Variants in ZFYVE9 observed in about 807,000 individuals in gnomAD.
ZFYVE9 encodes zinc finger FYVE-type containing 9.
In ZFYVE9, 43 loss-of-function variants were observed where a neutral mutation model predicts 126.7. The ratio of observed to expected loss-of-function variants is 0.34; its 90% CI spans 0.27 to 0.44. The LOEUF (loss-of-function observed/expected upper bound fraction) is 0.44. Ranked by LOEUF, ZFYVE9 falls within the 20% of genes least tolerant of loss-of-function variation. The probability of loss-of-function intolerance (pLI) is 1.00; values close to 1 mark genes in which losing one functional copy is unlikely to be tolerated. For missense variants in ZFYVE9, 1,476 were observed against 1,697.0 expected, an observed-to-expected ratio of 0.87 and a Z score of 2.29; for synonymous variants, 521 against 597.4, an observed-to-expected ratio of 0.87 and a Z score of 1.87.
At position 52,237,977 on chromosome 1, in the gene ZFYVE9, A is replaced by T. The variant is rs1333406357; in HGVS notation, c.560A>T (p.Asn187Ile). The change falls in exon 4 of 19, where the codon AAT (asparagine) becomes ATT (isoleucine). Residue 187 changes from asparagine to isoleucine, a missense_variant. This residue lies in a region of ZFYVE9 where 807 missense variants were observed against 794.6 expected (regional missense o/e 1.02). Transcript: ENST00000287727. ...GATGCTTTTAGCTGTTCACTGGATA[A>T]TGAAAACAGACAAACTGATCAATTT... is the stretch of plus-strand genomic sequence containing the variant. ...LMDAFSCSLDNENRQTDQFSF... is the reference protein window; with the variant it reads ...LMDAFSCSLDIENRQTDQFSF... The T allele has an allele frequency of 6.2e-7, 1 of 1,614,068 alleles. No individual in the cohort carries two copies. The highest frequency in any genetic ancestry group is 8.5e-7 in the Non-Finnish European group (1 of 1,179,972).
chr1:52,147,972 G>A (rs1014702498), intron 1 of ZFYVE9, among the ~76,000 whole-genome samples: 2 of 151,496 alleles, frequency 1.3e-5, no homozygotes, highest in African/African-American at 4.8e-5. Flanking sequence ...CAATAGAGGC[G>A]AGGTTTCATT....
chr1:52,313,709 A>G (rs1293426984), intron 13 of ZFYVE9, among the ~76,000 whole-genome samples: 4 of 152,200 alleles, frequency 2.6e-5, no homozygotes, highest in African/African-American at 9.6e-5. Context: ...CTCTGATCCT[A>G]CCTAATAAGC....
intron 8 of ZFYVE9, among the ~76,000 whole-genome samples, chr1:52,277,580 A>G (rs1287116344): frequency 2.0e-5 from 3 of 152,218 alleles, no homozygotes; most frequent in African/African-American, 7.2e-5. Flanking sequence ...TTCCCATTGT[A>G]TCCAAAAAAT....
intron 1 of ZFYVE9, among the ~76,000 whole-genome samples, chr1:52,155,987 G>A (rs1386542012): frequency 6.6e-6 from 1 of 152,172 alleles, no homozygotes; most frequent in Non-Finnish European, 1.5e-5. Context: ...ACCCCACCAA[G>A]TTCTTCAGTA....
chr1:52,244,091 G>A (rs898202651), intron 4 of ZFYVE9, among the ~76,000 whole-genome samples: 2 of 152,162 alleles, frequency 1.3e-5, no homozygotes, highest in African/African-American at 4.8e-5. Context: ...GCTATAACAG[G>A]GTCATTGAAA....
intron 13 of ZFYVE9, among the ~76,000 whole-genome samples, chr1:52,316,980 A>G (rs917477670): frequency 6.6e-6 from 1 of 152,258 alleles, no homozygotes; most frequent in African/African-American, 2.4e-5. Flanking sequence ...GATTCAAATC[A>G]TACAGAATGT....
intron 13 of ZFYVE9, among the ~76,000 whole-genome samples, chr1:52,312,535 C>A (rs1284752711): frequency 6.6e-6 from 1 of 152,160 alleles, no homozygotes; most frequent in Non-Finnish European, 1.5e-5. Flanking sequence ...TCTTTTTGGG[C>A]CTTCCTCCAG....
Position 52,142,208 on chromosome 1 carries a change from G to C in ZFYVE9, c.-338G>C, listed in dbSNP as rs1361782205. ...CTCCGGGATCCGCGTGGCTGCCGCG[G>C]CCCGGGCGCCGATGCGGCTGGGCGG... On this transcript the variant is annotated 5_prime_UTR_variant, in exon 1 of 19. Coordinates refer to ENST00000287727, the MANE Select transcript of ZFYVE9 (RefSeq NM_004799.4). This position sits in a 1 kb window ranked among gnomAD's most constrained non-coding sequence, Gnocchi z 4.5. 1.3e-5 allele frequency: 2 copies of C among 151,444 alleles called. No individual in the cohort carries two copies. Among genetic ancestry groups the C allele is most frequent in the African/African-American group, 4.8e-5 (2 of 41,392 alleles). The allele number at this position is 151,444 out of a possible 1,614,324, so 9.4% of individuals were successfully genotyped here.
intron 2 of ZFYVE9, among the ~76,000 whole-genome samples, chr1:52,222,641 C>T (rs1161427842): frequency 1.3e-5 from 2 of 152,178 alleles, no homozygotes; most frequent in Non-Finnish European, 2.9e-5. Flanking sequence ...ATGTTTTAAA[C>T]CTATCCTGGC....
intron 12 of ZFYVE9, among the ~76,000 whole-genome samples, chr1:52,296,714 C>G (rs549741296): frequency 2.0e-5 from 3 of 152,274 alleles, no homozygotes; most frequent in African/African-American, 4.8e-5. Flanking sequence ...TCAAGGTAAT[C>G]AAGCTACTGG....
intron 2 of ZFYVE9, among the ~76,000 whole-genome samples, chr1:52,221,917 A>G (rs1039080099): frequency 1.3e-5 from 2 of 152,164 alleles, no homozygotes; most frequent in Admixed American, 6.5e-5. Context: ...TTAAGGCATA[A>G]GAGTTAATCC....
intron 1 of ZFYVE9, among the ~76,000 whole-genome samples, chr1:52,150,769 C>CT (rs1478553712): frequency 2.1e-5 from 3 of 144,350 alleles, no homozygotes; most frequent in Non-Finnish European, 4.5e-5. Flanking sequence ...AACATACTGT[C>CT]TTAAAAAAAA....
intron 1 of ZFYVE9, among the ~76,000 whole-genome samples, chr1:52,157,715 T>G (rs572055243): frequency 6.6e-6 from 1 of 152,126 alleles, no homozygotes; most frequent in African/African-American, 2.4e-5. Context: ...CTGCACCATA[T>G]TCTCTTAACT....
chr1:52,281,598 C>T, intron 9 of ZFYVE9, 63 bp from the exon 10 acceptor site: 1 of 1,569,842 alleles, frequency 6.4e-7, no homozygotes, highest in Non-Finnish European at 8.7e-7. Context: ...TTCTGTGCAT[C>T]TTTTTTTAAG....
intron 3 of ZFYVE9, among the ~76,000 whole-genome samples, chr1:52,233,540 A>G (rs1645244244): frequency 6.6e-6 from 1 of 152,214 alleles, no homozygotes; most frequent in South Asian, 2.1e-4. Context: ...CTTGTGAACA[A>G]GTGGCAGGAT....
intron 2 of ZFYVE9, among the ~76,000 whole-genome samples, chr1:52,232,760 A>G (rs2124621300): frequency 6.6e-6 from 1 of 150,900 alleles, no homozygotes; most frequent in Admixed American, 6.6e-5. Flanking sequence ...AAAAAGGAAT[A>G]ACCAGGTCAG....
At chr1:52,271,452 C>G (rs1310470922) in intron 7 of ZFYVE9, among the ~76,000 whole-genome samples, 1 of 152,004 alleles carries the variant, frequency 6.6e-6, no homozygotes, top group Non-Finnish European at 1.5e-5. Flanking sequence ...ACTTTAAGTT[C>G]TGGGATACAT....
Position 52,268,590 on chromosome 1 carries a change from C to A in ZFYVE9, c.2583C>A (p.His861Gln), listed in dbSNP as rs749565856. 1 of 1,614,090 alleles carries A rather than the reference C, an allele frequency of 6.2e-7. No homozygotes were observed. Among genetic ancestry groups the A allele is most frequent in the Non-Finnish European group, 8.5e-7 (1 of 1,179,990 alleles). ...TSSAGTLAVS[H>Q]DPVKPVTTSP... ...CTGCAGGAACCCTGGCTGTGTCACA[C>A]GACCCAGTCAAGCCAGTAACTACCA... Residue 861 changes from histidine (H) to glutamine (Q), a missense_variant, in exon 7 of 19, where the codon CAC becomes CAA. His to Gln is a conservative substitution (Grantham distance 24). Transcript: ENST00000287727.
At chr1:52,339,509 T>A (rs951085064) in intron 16 of ZFYVE9, among the ~76,000 whole-genome samples, 1 of 152,182 alleles carries the variant, frequency 6.6e-6, no homozygotes, top group African/African-American at 2.4e-5. Flanking sequence ...GATGCTGGTC[T>A]CGAACTCCTG....
Sources: allele counts gnomAD v4.1 joint callset (sites outside exome capture counted in the v4.1 genomes callset), GRCh38; gene constraint gnomAD v4.1.1; regional missense constraint gnomAD v4.1.1; non-coding constraint Gnocchi (gnomAD v3.1); transcripts MANE v1.5; gene names NCBI Gene and HGNC (gene_info 2026-07-23, HGNC 2026-07-21).